The following DGKB variants were observed in gnomAD, a reference collection of about 807,000 sequenced individuals.
DGKB encodes the protein 90 kDa diacylglycerol kinase.
A neutral mutation model predicts 114.3 loss-of-function variants in DGKB; 67 were observed. The observed-to-expected ratio is 0.59, with a 90% CI of 0.48 to 0.72. The LOEUF is 0.72. Among genes scored for constraint, DGKB ranks in the 30% least tolerant of loss-of-function variants. The pLI is 0.00. For missense variants in DGKB, 907 were observed against 975.2 expected (o/e 0.93, Z 0.93); for synonymous variants, 398 against 323.1 (o/e 1.23, Z -2.49).
At chr7:14,488,688 T>C (rs934168063) in intron 20 of DGKB, among the ~76,000 whole-genome samples, 4 of 149,350 alleles carry the variant, frequency 2.7e-5, no homozygotes, top group African/African-American at 9.8e-5. Flanking sequence ...ATTAGCTCGG[T>C]GTGGTGGCAC....
At chr7:14,217,827 G>A (rs751402018) in intron 23 of DGKB, among the ~76,000 whole-genome samples, 1 of 152,048 alleles carries the variant, frequency 6.6e-6, no homozygotes, top group Non-Finnish European at 1.5e-5. Context: ...CAAGACAGGT[G>A]ACTCTCCATC....
intron 20 of DGKB, among the ~76,000 whole-genome samples, chr7:14,562,920 T>C (rs1446133956): frequency 2.0e-5 from 3 of 152,166 alleles, no homozygotes; most frequent in South Asian, 2.1e-4. Flanking sequence ...GAGGGACCAA[T>C]AGTGGGAAGA....
upstream of DGKB, among the ~76,000 whole-genome samples, chr7:14,904,910 G>A (rs1012117033): frequency 2.0e-5 from 3 of 152,114 alleles, no homozygotes; most frequent in Non-Finnish European, 1.5e-5. Context: ...TGATACAAAA[G>A]GCCAACTTTA....
At chr7:14,438,391 T>G (rs1191668374) in intron 21 of DGKB, among the ~76,000 whole-genome samples, 1 of 152,032 alleles carries the variant, frequency 6.6e-6, no homozygotes, top group East Asian at 1.9e-4. Context: ...CGAAAACATT[T>G]TGTTAATTTT....
At chr7:14,296,338 TC>T (rs1400631500) in intron 23 of DGKB, among the ~76,000 whole-genome samples, 3 of 152,140 alleles carry the variant, frequency 2.0e-5, no homozygotes, top group African/African-American at 4.8e-5. Context: ...CCAAACTCAT[TC>T]TTTTTTATGG....
intron 1 of DGKB, among the ~76,000 whole-genome samples, chr7:14,927,340 G>A (rs550476651): frequency 3.9e-5 from 6 of 151,996 alleles, no homozygotes; most frequent in African/African-American, 1.2e-4. Context: ...ATTGATTTAA[G>A]TTTGAAACAC....
intron 13 of DGKB, among the ~76,000 whole-genome samples, chr7:14,659,145 C>T (rs1816494295): frequency 6.6e-6 from 1 of 151,908 alleles, no homozygotes; most frequent in Admixed American, 6.6e-5. Flanking sequence ...TGTATTAACT[C>T]TATTCTTAAA....
chr7:14,644,125 A>T (rs2128880326), intron 13 of DGKB, among the ~76,000 whole-genome samples: 1 of 152,194 alleles, frequency 6.6e-6, no homozygotes, highest in Non-Finnish European at 1.5e-5. Context: ...GCAAAAAAAA[A>T]AAAAATCATA....
rs1784748455 is a variant in DGKB at position 14,926,299 on chromosome 7, ATT to A, written c.-188+48395_-188+48396del. 4.6e-5 allele frequency among the ~76,000 whole-genome samples: 7 copies of A among 151,998 alleles called. No individual in the cohort carries two copies. The South Asian group carries it at 1.5e-3, about 32-fold the overall frequency. On this transcript the variant is annotated intron_variant, in intron 1 of 4. Transcript: ENST00000437998. Reference sequence around the variant, plus strand: ...ACCACACCATTTGATTCATTTTCATATTGGCATCTGTTGACTTTCTTTTCTCA... The same window carrying A: ...ACCACACCATTTGATTCATTTTCATAGGCATCTGTTGACTTTCTTTTCTCA...
intron 15 of DGKB, among the ~76,000 whole-genome samples, chr7:14,617,958 C>A (rs1412041568): frequency 6.6e-6 from 1 of 151,586 alleles, no homozygotes; most frequent in African/African-American, 2.4e-5. Flanking sequence ...CATTTATTAT[C>A]TACCATTTTA....
intron 1 of DGKB, among the ~76,000 whole-genome samples, chr7:14,884,129 G>T (rs577047812): frequency 6.6e-6 from 1 of 152,080 alleles, no homozygotes; most frequent in Admixed American, 6.6e-5. Flanking sequence ...TGCAACTAGT[G>T]ATCTCTGTTG....
chr7:14,864,721 C>T (rs543299754), intron 1 of DGKB, among the ~76,000 whole-genome samples: 163 of 150,748 alleles, frequency 1.1e-3, no homozygotes, highest in African/African-American at 3.8e-3. Context: ...GAGAAATGTA[C>T]AACAGTCGGG....
intron 23 of DGKB, chr7:14,209,449 A>C (rs1282086195): frequency 2.1e-6 from 1 of 473,130 alleles, no homozygotes; most frequent in African/African-American, 2.0e-5. Context: ...GCAACTACAC[A>C]AGGCTATTCT....
At chr7:14,604,848 T>A (rs190268048) in intron 17 of DGKB, among the ~76,000 whole-genome samples, 1 of 152,228 alleles carries the variant, frequency 6.6e-6, no homozygotes, top group South Asian at 2.1e-4. Context: ...CATTTGCCTT[T>A]AGGATAAACA....
At chr7:14,174,397 T>A (rs1199156234) in intron 25 of DGKB, among the ~76,000 whole-genome samples, 1 of 152,176 alleles carries the variant, frequency 6.6e-6, no homozygotes, top group Non-Finnish European at 1.5e-5. Context: ...CAACTGGATG[T>A]ACAGGACATT....
intron 2 of DGKB, among the ~76,000 whole-genome samples, chr7:14,827,315 C>T (rs1845831621): frequency 6.6e-6 from 1 of 152,080 alleles, no homozygotes; most frequent in Non-Finnish European, 1.5e-5. Flanking sequence ...GTGGAATGGT[C>T]ACACCTGAAT....
chr7:14,231,091 CTT>C (rs879356476), intron 23 of DGKB, among the ~76,000 whole-genome samples: 4,078 of 75,366 alleles, frequency 0.054, 81 homozygotes, highest in African/African-American at 0.086. Context: ...CCCTTTCTTT[CTT>C]TCTTTCTTTC....
chr7:14,282,098 A>C (rs1431732821), intron 23 of DGKB, among the ~76,000 whole-genome samples: 1 of 60,662 alleles, frequency 1.6e-5, no homozygotes, highest in Non-Finnish European at 3.3e-5. Context: ...GGATCAACAA[A>C]ATTGATAGAC....
Position 14,798,165 on chromosome 7 carries a change from G to A in DGKB, c.71-40434C>T, listed in dbSNP as rs73070723. Among the ~76,000 whole-genome samples, 232 of 152,218 alleles carry A rather than the reference G, an allele frequency of 1.5e-3. 1 individual carries two copies. The Middle Eastern group carries it at 0.02, about 13-fold the overall frequency. The stretch of plus-strand genomic sequence containing the variant: ...AATCAAGAGAGAGTGGGTACGATGG[G>A]GATGGAAGTTCTCACTCTGGTCTTG... On this transcript the variant is annotated intron_variant, in intron 2 of 25. Transcript: ENST00000402815.
Sources: gnomAD v4.1 joint callset for allele counts (sites outside exome capture counted in the v4.1 genomes callset) on GRCh38, gnomAD v4.1.1 for gene constraint, MANE v1.5 for transcripts, NCBI Gene and HGNC (gene_info 2026-07-23, HGNC 2026-07-21) for gene names.